BPTF: variants seen among roughly 807,000 people sequenced by gnomAD.
The protein encoded by BPTF is nucleosome-remodeling factor subunit BPTF.
In BPTF, 18 loss-of-function variants were observed where a neutral mutation model predicts 292.5. The ratio of observed to expected loss-of-function variants is 0.06; its 90% confidence interval spans 0.04 to 0.09. The LOEUF is 0.09. Ranked by LOEUF, BPTF falls within the 10% of genes least tolerant of loss-of-function variation. The probability of loss-of-function intolerance (pLI) is 1.00; values close to 1 mark genes in which losing one functional copy is unlikely to be tolerated. For synonymous variants in BPTF, 1,225 were observed against 1,251.9 expected (o/e 0.98, Z 0.45); for missense variants, 2,726 against 3,498.7 (o/e 0.78, Z 5.57).
At chr17:67,939,791 A>G (rs189602585) in intron 18 of BPTF, among the ~76,000 whole-genome samples, 1 of 152,328 alleles carries the variant, frequency 6.6e-6, no homozygotes, top group Admixed American at 6.5e-5. Flanking sequence ...CAGGCAGGAG[A>G]ATCGCTTGAA....
At chr17:67,890,549 G>A (rs1245288989) in intron 4 of BPTF, among the ~76,000 whole-genome samples, 1 of 152,190 alleles carries the variant, frequency 6.6e-6, no homozygotes, top group Admixed American at 6.5e-5. Context: ...CAGTCACTGT[G>A]GCCAGCTAGT....
chr17:67,832,127 A>G (rs1255467865), intron 1 of BPTF, among the ~76,000 whole-genome samples: 1 of 152,016 alleles, frequency 6.6e-6, no homozygotes, highest in Non-Finnish European at 1.5e-5. Context: ...TGACCTTGTG[A>G]TCCGCCTGCC....
intron 3 of BPTF, among the ~76,000 whole-genome samples, chr17:67,872,449 C>T (rs2059800439): frequency 6.6e-6 from 1 of 152,078 alleles, no homozygotes; most frequent in Non-Finnish European, 1.5e-5. Flanking sequence ...CGTGGTGGCT[C>T]ACACCTGTAA....
At position 67,911,197 on chromosome 17, in the gene BPTF, T is replaced by G. The variant is rs200497111; in HGVS notation, c.3313T>G (p.Ser1105Ala). The part of the protein sequence containing the change: ...STNSSKNLSE[S>A]PVITKAKEGC... ...AAATTCTTCAAAAAATCTCTCTGAATCACCAGTAATAACGAAAGCAAAAGA... is the reference window on the plus strand; with the variant it reads ...AAATTCTTCAAAAAATCTCTCTGAAGCACCAGTAATAACGAAAGCAAAAGA... Residue 1105 changes from serine (S) to alanine (A), a missense_variant, in exon 11 of 28, where the codon TCA becomes GCA. Around this residue, in one of 22 missense-constraint regions of BPTF, gnomAD observed 713 missense variants for 714.9 expected, o/e 1.00. Coordinates refer to ENST00000306378, the MANE Select transcript of BPTF (RefSeq NM_182641.4). 8.7e-5 allele frequency: 141 copies of G among 1,613,672 alleles called. No individual in the cohort carries two copies. The highest frequency in any genetic ancestry group is 1.1e-4 in the Non-Finnish European group (134 of 1,179,932).
At chr17:67,861,474 A>G (rs2059082138) in intron 2 of BPTF, among the ~76,000 whole-genome samples, 1 of 151,244 alleles carries the variant, frequency 6.6e-6, no homozygotes, top group Admixed American at 6.6e-5. Flanking sequence ...CCGCCACCAC[A>G]CCTGGCTAAT....
At position 67,914,966 on chromosome 17, in the gene BPTF, G is replaced by A. The variant is rs547211810; in HGVS notation, c.5303+1779G>A. Among the ~76,000 whole-genome samples, 25 of 152,230 alleles carry A rather than the reference G, an allele frequency of 1.6e-4. 1 individual carries two copies. The highest frequency in any genetic ancestry group is 5.1e-4 in the African/African-American group (21 of 41,538). On this transcript the variant is annotated intron_variant, in intron 11 of 27. Transcript: ENST00000306378. Reference sequence around the variant, plus strand: ...GCATAATCCTTTCTGTCTAATGGAGGCATGGGTAAATATGTAAATTGATCA... The same window carrying A: ...GCATAATCCTTTCTGTCTAATGGAGACATGGGTAAATATGTAAATTGATCA...
intron 26 of BPTF, among the ~76,000 whole-genome samples, chr17:67,972,440 A>G (rs1599021100): frequency 6.6e-6 from 1 of 152,058 alleles, no homozygotes; most frequent in Admixed American, 6.6e-5. Context: ...GGGTTTCACC[A>G]TGTTGGTTGA....
Position 67,825,730 on chromosome 17 carries a change from G to A in BPTF, c.6G>A (p.Arg2=). The A allele has an allele frequency of 1.1e-5, 11 of 1,046,228 alleles. No individual in the cohort carries two copies. Among genetic ancestry groups the A allele is most frequent in the Non-Finnish European group, 1.3e-5 (11 of 871,048 alleles). The allele number at this position is 1,046,228 out of a possible 1,614,324, so 64.8% of individuals were successfully genotyped here. Residue 2 remains arginine (R), a synonymous_variant, in exon 1 of 28, where the codon AGG becomes AGA. Coordinates refer to ENST00000306378, the MANE Select transcript of BPTF (RefSeq NM_182641.4). Reference sequence around the variant, plus strand: ...CCCCCCGCCTCGGCTCCGACATGAGGGGCCGGCGGGGCAGGCCGCCCAAGC... The same window carrying A: ...CCCCCCGCCTCGGCTCCGACATGAGAGGCCGGCGGGGCAGGCCGCCCAAGC... M[R]GRRGRPPKQP...
rs565245367 is a variant in BPTF at position 67,896,088 on chromosome 17, G to A, written c.2543+1923G>A. On this transcript the variant is annotated intron_variant, in intron 7 of 27. Transcript: ENST00000306378. ...CGCCATTCTCCTGCCTCAGCCTCCCGAGTAACTGGGACTATAGGCACCCAC... is the reference window on the plus strand; with the variant it reads ...CGCCATTCTCCTGCCTCAGCCTCCCAAGTAACTGGGACTATAGGCACCCAC... Among the ~76,000 whole-genome samples the A allele has an allele frequency of 1.8e-4, 28 of 151,544 alleles. No homozygotes were observed. The South Asian group carries it at 2.7e-3, about 15-fold the overall frequency.
rs575718803 is a variant in BPTF at position 67,945,261 on chromosome 17, C to T, written c.6701-148C>T. 1.6e-5 allele frequency: 22 copies of T among 1,398,560 alleles called. No individual in the cohort carries two copies. The African/African-American group carries it at 1.9e-4, about 12-fold the overall frequency. 86.6% of individuals were successfully genotyped at this position (1,398,560 alleles called of 1,614,324 possible). A position where few individuals can be genotyped will look rare whatever the true frequency, so the allele number is the denominator to read the frequency against. ...GGTCTCACTATGTTGCTCAAACGAT[C>T]CTCCCACCTCAACGTCCCAAGGTGC... On this transcript the variant is annotated intron_variant, in intron 20 of 27. Coordinates refer to ENST00000306378, the MANE Select transcript of BPTF (RefSeq NM_182641.4).
chr17:67,940,595 G>A lies in BPTF; in HGVS notation c.6416G>A (p.Arg2139His), dbSNP rs1555671520. 11 of 1,613,868 alleles carry A rather than the reference G, an allele frequency of 6.8e-6. No homozygotes were observed. The highest frequency in any genetic ancestry group is 4.5e-5 in the East Asian group (2 of 44,880). ...NIQSSASQPPRPQQGQVKLTM... is the reference protein window; with the variant it reads ...NIQSSASQPPHPQQGQVKLTM... ...CAGTCTTCAGCCTCACAACCCCCTC[G>A]CCCCCAACAAGGACAAGTGAAGCTC... The change falls in exon 19 of 28, where the codon CGC becomes CAC. Residue 2139 changes from arginine to histidine, a missense_variant. Arg to His is a conservative substitution (Grantham distance 29, BLOSUM62 0). This residue lies in a region of BPTF where 570 missense variants were observed against 633.5 expected (regional missense o/e 0.90). Coordinates refer to ENST00000306378, the MANE Select transcript of BPTF (RefSeq NM_182641.4).
intron 16 of BPTF, chr17:67,928,892 C>G (rs1329249745): frequency 1.7e-6 from 2 of 1,175,458 alleles, no homozygotes; most frequent in African/African-American, 1.6e-5. Context: ...GGTGCCCTTT[C>G]CTAGAAGTCA....
chr17:67,836,782 T>A (rs1263202728), intron 1 of BPTF, among the ~76,000 whole-genome samples: 1 of 152,204 alleles, frequency 6.6e-6, no homozygotes, highest in Non-Finnish European at 1.5e-5. Context: ...CTTCTTAAAG[T>A]CTTATTCAGT....
Position 67,964,410 on chromosome 17 carries a change from A to G in BPTF, c.8454+6A>G. 6.2e-7 allele frequency: 1 copy of G among 1,602,114 alleles called. No individual in the cohort carries two copies. Among genetic ancestry groups the G allele is most frequent in the Non-Finnish European group, 8.5e-7 (1 of 1,170,650 alleles). ...GGGTGCTCCGTTCCTTACAGGTGAG[A>G]CCCCTCTGTGTGCAGCATTTCAAAA... On this transcript the variant is annotated splice_donor_region_variant and intron_variant, in intron 25 of 27. Transcript: ENST00000306378.
Position 67,866,543 on chromosome 17 carries a change from T to C in BPTF, c.1516T>C (p.Cys506Arg). Residue 506 changes from cysteine (C) to arginine (R), a missense_variant, in exon 3 of 28, where the codon TGT (cysteine) becomes CGT (arginine). Cys to Arg is a radical substitution (Grantham distance 180, BLOSUM62 -3). Transcript: ENST00000306378. ...TKVQLAELID[C>R]LDKDYWEAEL... Reference sequence around the variant, plus strand: ...GGTCCAACTTGCAGAATTAATTGACTGTCTAGACAAAGATTATTGGGAAGC... The same window carrying C: ...GGTCCAACTTGCAGAATTAATTGACCGTCTAGACAAAGATTATTGGGAAGC... The C allele has an allele frequency of 1.2e-6, 2 of 1,614,144 alleles. No individual in the cohort carries two copies. The highest frequency in any genetic ancestry group is 1.7e-6 in the Non-Finnish European group (2 of 1,180,002).
rs150366027 is a variant in BPTF, at chr17:67,940,548, A to G, written c.6369A>G (p.Ser2123=). ...SSTPGQKSLT[S]ATSTSNIQSS... is the part of the protein sequence containing the mutation. ...CACCTGGGCAGAAAAGCTTAACTTC[A>G]GCAACGTCCACTTCAAATATACAGT... Residue 2123 remains serine (S), a synonymous_variant, in exon 19 of 28, where the codon TCA becomes TCG. Coordinates refer to ENST00000306378, the MANE Select transcript of BPTF (RefSeq NM_182641.4). The G allele has an allele frequency of 9.6e-4, 1,557 of 1,614,006 alleles. 1 individual carries two copies. The highest frequency in any genetic ancestry group is 1.2e-3 in the Non-Finnish European group (1,439 of 1,180,028).
intron 23 of BPTF, among the ~76,000 whole-genome samples, chr17:67,953,391 G>A (rs1461533825): frequency 4.0e-5 from 6 of 151,722 alleles, no homozygotes; most frequent in Admixed American, 3.9e-4. Flanking sequence ...AAGTAGCTGG[G>A]ATTACAGGCG....
At chr17:67,859,170 C>T (rs1315872096) in intron 2 of BPTF, among the ~76,000 whole-genome samples, 15 of 152,026 alleles carry the variant, frequency 9.9e-5, no homozygotes, top group Non-Finnish European at 1.9e-4. Context: ...CTTTTGGAGA[C>T]AGGGTCTCAC....
chr17:67,827,113 G>A (rs1330860295), intron 1 of BPTF, among the ~76,000 whole-genome samples: 1 of 152,160 alleles, frequency 6.6e-6, no homozygotes, highest in Non-Finnish European at 1.5e-5. Flanking sequence ...ACAGGAACGC[G>A]CGTCTTAACT....
Sources: gnomAD v4.1 joint callset for allele counts (sites outside exome capture counted in the v4.1 genomes callset) on GRCh38, gnomAD v4.1.1 for gene constraint, gnomAD v4.1.1 regional missense constraint, MANE v1.5 for transcripts, NCBI Gene and HGNC (gene_info 2026-07-23, HGNC 2026-07-21) for gene names.